IFT172: variants seen among roughly 807,000 people sequenced by gnomAD.
The protein encoded by IFT172 is intraflagellar transport protein 172 homolog.
Under a neutral mutation model 248.9 loss-of-function variants are expected in IFT172, and 164 were observed. The observed-to-expected ratio is 0.66, with a 90% CI of 0.58 to 0.75. IFT172 has a LOEUF of 0.75. Among genes scored for constraint, IFT172 ranks in the 30% least tolerant of loss-of-function variants. The pLI is 0.00. For synonymous variants in IFT172, 729 were observed against 791.6 expected (o/e 0.92, Z 1.33); for missense variants, 1,950 against 2,192.4 (o/e 0.89, Z 2.21).
At chr2:27,463,933 CAAGG>C (rs1234360858) in intron 18 of IFT172, among the ~76,000 whole-genome samples, 1 of 152,068 alleles carries the variant, frequency 6.6e-6, no homozygotes, top group Non-Finnish European at 1.5e-5. Flanking sequence ...TAAGGCCACA[CAAGG>C]AGTTTGGGTT....
chr2:27,450,851 C>CA (rs1307508176), intron 35 of IFT172, among the ~76,000 whole-genome samples: 2 of 151,980 alleles, frequency 1.3e-5, no homozygotes, highest in Admixed American at 1.3e-4. Context: ...CGTGGCCTCC[C>CA]AAAGTTCTGG....
At chr2:27,471,423 T>A (rs920022648) in intron 15 of IFT172, 2 of 236,560 alleles carry the variant, frequency 8.5e-6, no homozygotes, top group African/African-American at 4.6e-5. Flanking sequence ...ATCCAGAAAT[T>A]TGTGATGTGG....
chr2:27,477,186 T>C (rs761473274), intron 13 of IFT172, 31 bp downstream of exon 13: 5 of 1,569,842 alleles, frequency 3.2e-6, no homozygotes, highest in Middle Eastern at 1.7e-4. Flanking sequence ...TATTCTGGGT[T>C]TCAGGGATTC....
At chr2:27,447,962 G>GATCCC in intron 40 of IFT172, 40 bp from the exon 41 acceptor site, 1 of 1,258,192 alleles carries the variant, frequency 7.9e-7, no homozygotes, top group Non-Finnish European at 1.2e-6. Flanking sequence ...GAAGGGCATA[G>GATCCC]CTAGAAGAGA....
At position 27,461,496 on chromosome 2, in the gene IFT172, G is replaced by C; in HGVS notation, c.2215C>G (p.Leu739Val). ...AGCCACTGGTAGTAACTACGACGTA[G>C]CTTCTCCAGGGCTGGGTGCCCCTGG... ...EAKGHPALEK[L>V]RRSYYQWLMD... Residue 739 changes from leucine (L) to valine (V), a missense_variant, in exon 22 of 48, where the codon CTA becomes GTA. This residue lies in a region of IFT172 where 1,166 missense variants were observed against 1,254.1 expected (regional missense o/e 0.93). Transcript: ENST00000260570. The C allele has an allele frequency of 1.2e-6, 2 of 1,614,048 alleles. No homozygotes were observed. The highest frequency in any genetic ancestry group is 1.7e-6 in the Non-Finnish European group (2 of 1,179,942).
rs762555189 is a variant in IFT172, at chr2:27,456,634, C to T, written c.3248G>A (p.Gly1083Glu). 1 of 1,613,864 alleles carries T rather than the reference C, an allele frequency of 6.2e-7. No individual in the cohort carries two copies. The highest frequency in any genetic ancestry group is 8.5e-7 in the Non-Finnish European group (1 of 1,179,896). Reference sequence around the variant, plus strand: ...GGCCACGTGTTTGTGGGCATTAGCCCCTCCTTGAGTTCTGGCCACCTGTAA... The same window carrying T: ...GGCCACGTGTTTGTGGGCATTAGCCTCTCCTTGAGTTCTGGCCACCTGTAA... Reference protein sequence around the residue: ...EAYRVARTQGGANAHKHVAYL... With the variant: ...EAYRVARTQGEANAHKHVAYL... The change falls in exon 30 of 48, where the codon GGG (glycine) becomes GAG (glutamate). Residue 1083 changes from glycine (G) to glutamate (E), a missense_variant. By Grantham distance (98) the Gly-to-Glu change is moderately conservative (BLOSUM62 -2). This residue lies in a region of IFT172 where 164 missense variants were observed against 239.3 expected (regional missense o/e 0.69). Transcript: ENST00000260570.
chr2:27,482,355 C>T lies in IFT172; in HGVS notation c.570+934G>A, dbSNP rs538348808. ...GCCCAGTCTGGAGTTCAATGGCATG[C>T]GATCTTGGCTCACTGCAACCTCTGC... On this transcript the variant is annotated intron_variant, in intron 7 of 47. Transcript: ENST00000260570. Among the ~76,000 whole-genome samples the T allele has an allele frequency of 4.6e-5, 7 of 151,484 alleles. No homozygotes were observed. In the South Asian group the frequency reaches 8.3e-4, roughly 18 times the overall value.
chr2:27,461,400 T>C lies in IFT172; in HGVS notation c.2311A>G (p.Ser771Gly). The C allele has an allele frequency of 6.2e-7, 1 of 1,614,232 alleles. No individual in the cohort carries two copies. Among genetic ancestry groups the C allele is most frequent in the Non-Finnish European group, 8.5e-7 (1 of 1,180,038 alleles). The change falls in exon 22 of 48, where the codon AGC becomes GGC. Residue 771 changes from serine to glycine, a missense_variant. Ser to Gly is a moderately conservative substitution (Grantham distance 56, BLOSUM62 0). This residue lies in a region of IFT172 where 1,166 missense variants were observed against 1,254.1 expected (regional missense o/e 0.93). Coordinates refer to ENST00000260570, the MANE Select transcript of IFT172 (RefSeq NM_015662.3). Reference protein sequence around the residue: ...ESQGDGLAAISLYLKAGLPAK... With the variant: ...ESQGDGLAAIGLYLKAGLPAK... Reference sequence around the variant, plus strand: ...GGGAGCCCAGCTTTGAGGTAGAGGCTGATGGCTGCTAGCCCATCCCCTTGG... The same window carrying C: ...GGGAGCCCAGCTTTGAGGTAGAGGCCGATGGCTGCTAGCCCATCCCCTTGG...
chr2:27,465,773 G>A lies in IFT172; in HGVS notation c.1802C>T (p.Thr601Ile). 5.0e-6 allele frequency: 8 copies of A among 1,614,108 alleles called. No individual in the cohort carries two copies. The highest frequency in any genetic ancestry group is 1.1e-5 in the South Asian group (1 of 91,082). ...GATGTAGTTGCCATCATCAATGGCT[G>A]TTCCAAACTCGATGAGGCCCTCATC... ...TLDEGLIEFGTAIDDGNYIRA... is the reference protein window; with the variant it reads ...TLDEGLIEFGIAIDDGNYIRA... Residue 601 changes from threonine to isoleucine, a missense_variant, in exon 17 of 48, where the codon ACA becomes ATA. Transcript: ENST00000260570.
intron 14 of IFT172, among the ~76,000 whole-genome samples, chr2:27,473,540 G>C (rs1667742959): frequency 6.6e-6 from 1 of 151,020 alleles, no homozygotes; most frequent in South Asian, 2.1e-4. Context: ...TCAATCTCCT[G>C]ACCTCGTGAT....
At chr2:27,487,175 C>A (rs1320577057) in intron 1 of IFT172, among the ~76,000 whole-genome samples, 1 of 152,144 alleles carries the variant, frequency 6.6e-6, no homozygotes, top group East Asian at 1.9e-4. Context: ...GAACTCCTGA[C>A]CTCAAGTGAT....
In IFT172 at chr2:27,454,409, C is replaced by T. The variant is rs748244135; in HGVS notation, c.3475G>A (p.Glu1159Lys). The change falls in exon 32 of 48, where the codon GAA becomes AAA. Residue 1159 changes from glutamate to lysine, a missense_variant. By Grantham distance (56) the Glu-to-Lys change is moderately conservative. Transcript: ENST00000260570. This position sits in a 1 kb window ranked among gnomAD's most constrained non-coding sequence, Gnocchi z 4.2. ...AMFLEDEGKF[E>K]EAEAEFIRAG... ...CTGATGAATTCAGCTTCAGCCTCTT[C>T]GAATTTACCCTACAGGGAGAGAAAG... The T allele has an allele frequency of 1.3e-5, 21 of 1,613,988 alleles. No individual in the cohort carries two copies. Among genetic ancestry groups the T allele is most frequent in the Admixed American group, 1.2e-4 (7 of 59,980 alleles).
In IFT172 at chr2:27,445,365, G is replaced by C; in HGVS notation, c.4999C>G (p.Arg1667Gly). 1 of 1,613,152 alleles carries C rather than the reference G, an allele frequency of 6.2e-7. No individual in the cohort carries two copies. The highest frequency in any genetic ancestry group is 8.5e-7 in the Non-Finnish European group (1 of 1,179,744). ...ACTAGGGAGGCCTCGTAGGCGCCAC[G>C]CTCATCCCGAGGCAGAACCTGCTCC... Reference protein sequence around the residue: ...RLEQVLPRDERGAYEASLVAA... With the variant: ...RLEQVLPRDEGGAYEASLVAA... Residue 1667 changes from arginine to glycine, a missense_variant, in exon 46 of 48, where the codon CGT becomes GGT. Arg to Gly is a moderately radical substitution (Grantham distance 125). Transcript: ENST00000260570. This position sits in a 1 kb window ranked among gnomAD's most constrained non-coding sequence, Gnocchi z 4.4.
intron 1 of IFT172, among the ~76,000 whole-genome samples, chr2:27,487,864 C>T (rs1447391292): frequency 1.3e-5 from 2 of 152,090 alleles, no homozygotes; most frequent in Non-Finnish European, 2.9e-5. Flanking sequence ...GGTTTACAGG[C>T]ATGAACCACT....
At chr2:27,451,419 C>T (rs1665662569) in intron 35 of IFT172, among the ~76,000 whole-genome samples, 1 of 152,158 alleles carries the variant, frequency 6.6e-6, no homozygotes, top group South Asian at 2.1e-4. Context: ...CAATCATCAG[C>T]CCCTCTCTTT....
At position 27,484,238 on chromosome 2, in the gene IFT172, A is replaced by G. The variant is rs542128061; in HGVS notation, c.325T>C (p.Phe109Leu). Residue 109 changes from phenylalanine (F) to leucine (L), a missense_variant, in exon 4 of 48, where the codon TTC becomes CTC. Around this residue, in one of 3 missense-constraint regions of IFT172, gnomAD observed 1,166 missense variants for 1,254.1 expected, o/e 0.93. Transcript: ENST00000260570. ...GGTCTGAACTTTACCGTCTGGATGA[A>G]CTTGTTGCAGATGACTTTCTTGTCA... ...WGDKKVICNK[F>L]IQTSAVTCLQ... The G allele has an allele frequency of 6.2e-7, 1 of 1,614,016 alleles. No individual in the cohort carries two copies. Among genetic ancestry groups the G allele is most frequent in the African/African-American group, 1.3e-5 (1 of 75,030 alleles).
chr2:27,445,652 G>A lies in IFT172; in HGVS notation c.4914+93C>T. 6.8e-7 allele frequency: 1 copy of A among 1,472,840 alleles called. No homozygotes were observed. The allele number at this position is 1,472,840 out of a possible 1,614,324, so 91.2% of individuals were successfully genotyped here. ...TCACTGAAAAAACAGTGAGGGCTGAGGTCCTTCCAAAGATGGCAGCACAAA... is the reference window on the plus strand; with the variant it reads ...TCACTGAAAAAACAGTGAGGGCTGAAGTCCTTCCAAAGATGGCAGCACAAA... On this transcript the variant is annotated intron_variant, in intron 45 of 47. Transcript: ENST00000260570. The surrounding 1 kb of genome is among the most constrained non-coding windows in gnomAD (Gnocchi z 4.4).
intron 42 of IFT172, 128 bp from the exon 43 acceptor site, chr2:27,446,483 C>T: frequency 1.3e-6 from 1 of 756,868 alleles, no homozygotes; most frequent in Non-Finnish European, 2.2e-6. Flanking sequence ...GATTCTCAAG[C>T]TGTTCTGGGT....
At chr2:27,459,303 A>T in intron 25 of IFT172, 75 bp downstream of exon 25, 1 of 1,557,304 alleles carries the variant, frequency 6.4e-7, no homozygotes, top group Non-Finnish European at 8.7e-7. Context: ...ACTTGCCTCC[A>T]CTTCCTGCTT....
Sources: allele counts gnomAD v4.1 joint callset (sites outside exome capture counted in the v4.1 genomes callset), GRCh38; gene constraint gnomAD v4.1.1; regional missense constraint gnomAD v4.1.1; non-coding constraint Gnocchi (gnomAD v3.1); transcripts MANE v1.5; gene names NCBI Gene and HGNC (gene_info 2026-07-23, HGNC 2026-07-21).